NSD2: variants seen among roughly 807,000 people sequenced by gnomAD.
The protein encoded by NSD2 is nuclear receptor binding SET domain protein 2, also known as histone-lysine N-methyltransferase NSD2.
A neutral mutation model predicts 139.0 loss-of-function variants in NSD2; 12 were observed. The ratio of observed to expected loss-of-function variants is 0.09; its 90% confidence interval spans 0.06 to 0.14. NSD2 has a LOEUF of 0.14. Ranked by LOEUF, NSD2 falls within the 10% of genes least tolerant of loss-of-function variation. The pLI, the probability that NSD2 is intolerant of heterozygous loss-of-function variation, is 1.00. For synonymous variants in NSD2, 669 were observed against 648.7 expected, an observed-to-expected ratio of 1.03 and a Z score of -0.48; for missense variants, 1,155 against 1,745.0, an observed-to-expected ratio of 0.66 and a Z score of 6.02.
chr4:1,925,772 ATT>A (rs564472093), intron 5 of NSD2, among the ~76,000 whole-genome samples: 19 of 148,952 alleles, frequency 1.3e-4, no homozygotes, highest in Admixed American at 5.3e-4. Context: ...CTATATATAT[ATT>A]TTTTTTTGTT....
Position 1,955,867 on chromosome 4 carries a change from G to A in NSD2, c.2675+18G>A, listed in dbSNP as rs767440358. ...AACTACAGGTGTGAGACATAGAATCGTATGCTTTTATGTCTTTTCTGTTCA... is the reference window on the plus strand; with the variant it reads ...AACTACAGGTGTGAGACATAGAATCATATGCTTTTATGTCTTTTCTGTTCA... On this transcript the variant is annotated intron_variant, in intron 14 of 21. Transcript: ENST00000508803. The surrounding 1 kb of genome is among the most constrained non-coding windows in gnomAD (Gnocchi z 4.7). 6.2e-6 allele frequency: 10 copies of A among 1,612,014 alleles called. No homozygotes were observed. The East Asian group carries it at 6.7e-5, about 11-fold the overall frequency.
chr4:1,936,392 C>T (rs759897619), intron 7 of NSD2, among the ~76,000 whole-genome samples: 7 of 151,942 alleles, frequency 4.6e-5, no homozygotes, highest in Non-Finnish European at 8.8e-5. Context: ...TAGTTCTGGC[C>T]GGGTGTGGTA....
In NSD2 at chr4:1,981,264, G is replaced by A. The variant is rs140096622; in HGVS notation, c.*2355G>A. 2.3e-4 allele frequency: 53 copies of A among 233,180 alleles called. 1 individual carries two copies. The Middle Eastern group carries it at 3.8e-3, about 17-fold the overall frequency. 14.4% of individuals were successfully genotyped at this position (233,180 alleles called of 1,614,324 possible). ...AACTTTGAATGTCTCTACAATACCCGTTGATAACTCAGTGGAGCCAGGCTT... is the reference window on the plus strand; with the variant it reads ...AACTTTGAATGTCTCTACAATACCCATTGATAACTCAGTGGAGCCAGGCTT... On this transcript the variant is annotated 3_prime_UTR_variant, in exon 22 of 22. Transcript: ENST00000508803.
At chr4:1,947,598 G>A in intron 9 of NSD2, 1 of 1,054,014 alleles carries the variant, frequency 9.5e-7, no homozygotes. Flanking sequence ...ATTTTACTGT[G>A]CTGTTAACTT....
At chr4:1,871,725 G>C (rs990035463) in intron 1 of NSD2, among the ~76,000 whole-genome samples, 183 bp downstream of exon 1, 2 of 149,736 alleles carry the variant, frequency 1.3e-5, no homozygotes, top group Non-Finnish European at 3.0e-5. Context: ...CTGGGGGACC[G>C]GGAGGCCGGG....
At chr4:1,966,548 T>C (rs1725906568) in intron 18 of NSD2, among the ~76,000 whole-genome samples, 1 of 150,720 alleles carries the variant, frequency 6.6e-6, no homozygotes, top group African/African-American at 2.4e-5. Flanking sequence ...TCCCAGCTAC[T>C]AGGGAGGCTG....
chr4:1,969,218 C>T (rs1364040907), intron 18 of NSD2, among the ~76,000 whole-genome samples: 1 of 152,174 alleles, frequency 6.6e-6, no homozygotes, highest in Non-Finnish European at 1.5e-5. Flanking sequence ...AAAGGATCAC[C>T]TTCCAAAAGG....
intron 3 of NSD2, among the ~76,000 whole-genome samples, chr4:1,916,420 A>G (rs1277815126): frequency 1.3e-5 from 2 of 152,092 alleles, no homozygotes; most frequent in Non-Finnish European, 2.9e-5. Flanking sequence ...ATCTTGGCTC[A>G]CTGCAACATG....
intron 11 of NSD2, 35 bp downstream of exon 11, chr4:1,952,266 G>A (rs1002386636): frequency 1.3e-5 from 21 of 1,610,380 alleles, no homozygotes; most frequent in Non-Finnish European, 1.7e-5. Flanking sequence ...CTGCAGCCTG[G>A]CCGGCCACCT....
At chr4:1,879,852 G>C (rs1714575212) in intron 1 of NSD2, among the ~76,000 whole-genome samples, 1 of 151,190 alleles carries the variant, frequency 6.6e-6, no homozygotes, top group South Asian at 2.1e-4. Flanking sequence ...GTGTGTGTGT[G>C]TGTGTGTTTT....
chr4:1,896,681 C>CCTTCCTTCCTCT (rs139558369), intron 1 of NSD2, among the ~76,000 whole-genome samples: 7,606 of 151,642 alleles, frequency 0.05, 668 homozygotes, highest in African/African-American at 0.18. Context: ...TCCCTCCCTC[C>CCTTCCTTCCTCT]CTTCCTTCCC....
intron 5 of NSD2, among the ~76,000 whole-genome samples, chr4:1,922,379 T>C (rs1720266986): frequency 1.3e-5 from 2 of 152,152 alleles, no homozygotes; most frequent in Admixed American, 1.3e-4. Context: ...TATTACGAAA[T>C]ATGCATGTAA....
At chr4:1,934,964 G>GT (rs1414465188) in intron 6 of NSD2, among the ~76,000 whole-genome samples, 180 bp from the exon 7 acceptor site, 2 of 136,302 alleles carry the variant, frequency 1.5e-5, no homozygotes, top group Admixed American at 7.8e-5. Context: ...ATAGTCACCA[G>GT]TTTTTTTGTT....
At chr4:1,934,474 C>T (rs549752264) in intron 6 of NSD2, among the ~76,000 whole-genome samples, 1 of 151,590 alleles carries the variant, frequency 6.6e-6, no homozygotes, top group African/African-American at 2.4e-5. Flanking sequence ...GCCTGAGCTA[C>T]AAGAGCGAAA....
intron 1 of NSD2, among the ~76,000 whole-genome samples, chr4:1,894,178 G>A (rs944908411): frequency 2.0e-5 from 3 of 151,940 alleles, no homozygotes; most frequent in Non-Finnish European, 4.4e-5. Flanking sequence ...GCTGGTCTCA[G>A]ACTCCTGACC....
At position 1,918,216 on chromosome 4, in the gene NSD2, A is replaced by G. The variant is rs762977766; in HGVS notation, c.1003A>G (p.Met335Val). ...GIVQAEEAAS[M>V]SVEERKAKFT... ...TGTTCAAGCAGAAGAAGCTGCAAGC[A>G]TGTCAGTGGAGGAGCGGAAAGCCAA... The change falls in exon 5 of 22, where the codon ATG becomes GTG. Residue 335 changes from methionine (M) to valine (V), a missense_variant. By Grantham distance (21) the Met-to-Val change is conservative (BLOSUM62 1). Coordinates refer to ENST00000508803, the MANE Select transcript of NSD2 (RefSeq NM_001042424.3). 9 of 1,613,490 alleles carry G rather than the reference A, an allele frequency of 5.6e-6. No homozygotes were observed. In the South Asian group the frequency reaches 9.9e-5, roughly 18 times the overall value.
chr4:1,901,383 C>T (rs1297134128), intron 2 of NSD2, 132 bp downstream of exon 2: 20 of 799,784 alleles, frequency 2.5e-5, no homozygotes, highest in Non-Finnish European at 3.3e-5. Flanking sequence ...CAGCCACTTG[C>T]CTGAGCCCTG....
At chr4:1,917,461 G>A (rs959919429) in intron 4 of NSD2, among the ~76,000 whole-genome samples, 2 of 152,142 alleles carry the variant, frequency 1.3e-5, no homozygotes, top group Admixed American at 1.3e-4. Flanking sequence ...TTGAGATGGA[G>A]TTTCACTCTT....
intron 18 of NSD2, among the ~76,000 whole-genome samples, chr4:1,964,204 A>T (rs976436297): frequency 2.6e-5 from 4 of 152,188 alleles, no homozygotes; most frequent in Non-Finnish European, 5.9e-5. Context: ...GCCACAAGAA[A>T]AGAATGAGAT....
Sources: gnomAD v4.1 joint callset for allele counts (sites outside exome capture counted in the v4.1 genomes callset) on GRCh38, gnomAD v4.1.1 for gene constraint, Gnocchi (gnomAD v3.1) non-coding constraint, MANE v1.5 for transcripts, NCBI Gene and HGNC (gene_info 2026-07-23, HGNC 2026-07-21) for gene names.